The following KBTBD13 variants were observed in gnomAD, a reference collection of about 807,000 sequenced individuals.
The protein encoded by KBTBD13 is kelch repeat and BTB domain containing 13.
Under a neutral mutation model 25.4 loss-of-function variants are expected in KBTBD13, and 32 were observed. The ratio of observed to expected loss-of-function variants is 1.26; its 90% CI spans 0.95 to 1.69. The LOEUF (loss-of-function observed/expected upper bound fraction) is 1.69, where lower values mean the gene tolerates loss of function less well. KBTBD13 is among the 40% of genes most tolerant of loss of function. KBTBD13 has a pLI of 0.00. For synonymous variants in KBTBD13, 436 were observed against 329.8 expected, an observed-to-expected ratio of 1.32 and a Z score of -3.49; for missense variants, 898 against 679.5, an observed-to-expected ratio of 1.32 and a Z score of -3.57.
rs779342567 is a variant in KBTBD13 at position 65,077,923 on chromosome 15, G to A, written c.1108G>A (p.Asp370Asn). 6.2e-7 allele frequency: 1 copy of A among 1,611,810 alleles called. No individual in the cohort carries two copies. The highest frequency in any genetic ancestry group is 8.5e-7 in the Non-Finnish European group (1 of 1,179,790). Residue 370 changes from aspartate to asparagine, a missense_variant, in exon 1 of 1, where the codon GAC (aspartate) becomes AAC (asparagine). Physicochemically the swap from Asp to Asn is conservative, Grantham distance 23. Coordinates refer to ENST00000432196, the MANE Select transcript of KBTBD13 (RefSeq NM_001101362.3). ...CGACGACTTCCTGCACTGCGCCATCGACTGTCTCAACCTGGCCACGGGCCA... is the reference window on the plus strand; with the variant it reads ...CGACGACTTCCTGCACTGCGCCATCAACTGTCTCAACCTGGCCACGGGCCA... ...PSDDFLHCAI[D>N]CLNLATGQWT...
At position 65,076,973 on chromosome 15, in the gene KBTBD13, T is replaced by G; in HGVS notation, c.158T>G (p.Leu53Arg). ...TRAAEVRLGV[L>R]SAGGFRATLQ... is the part of the protein sequence containing the mutation. ...GCAGCAGAGGTGCGCCTGGGCGTTC[T>G]GAGCGCGGGAGGTTTCCGCGCCACG... Residue 53 changes from leucine (L) to arginine (R), a missense_variant, in exon 1 of 1, where the codon CTG becomes CGG. Physicochemically the swap from Leu to Arg is moderately radical, Grantham distance 102 (BLOSUM62 -2). Transcript: ENST00000432196. 1 of 1,543,754 alleles carries G rather than the reference T, an allele frequency of 6.5e-7. No individual in the cohort carries two copies.
In KBTBD13 at chr15:65,078,029, C is replaced by A. The variant is rs760429732; in HGVS notation, c.1214C>A (p.Thr405Lys). The A allele has an allele frequency of 1.2e-6, 2 of 1,603,910 alleles. No homozygotes were observed. Among genetic ancestry groups the A allele is most frequent in the Non-Finnish European group, 1.7e-6 (2 of 1,179,530 alleles). The change falls in exon 1 of 1, where the codon ACG becomes AAG. Residue 405 changes from threonine (T) to lysine (K), a missense_variant. Transcript: ENST00000432196. ...TAVVRGDTVYTVNRMFTLLYA... is the reference protein window; with the variant it reads ...TAVVRGDTVYKVNRMFTLLYA... ...GTGGTGCGCGGTGACACCGTCTATACGGTCAACCGCATGTTCACGCTGCTC... is the reference window on the plus strand; with the variant it reads ...GTGGTGCGCGGTGACACCGTCTATAAGGTCAACCGCATGTTCACGCTGCTC...
chr15:65,077,797 G>A lies in KBTBD13; in HGVS notation c.982G>A (p.Asp328Asn). Residue 328 changes from aspartate to asparagine, a missense_variant, in exon 1 of 1, where the codon GAC (aspartate) becomes AAC (asparagine). Physicochemically the swap from Asp to Asn is conservative, Grantham distance 23. Transcript: ENST00000432196. The part of the protein sequence containing the change: ...TAVVEYAVRT[D>N]AWLPVAELRR... ...CGTGGTGGAGTACGCAGTGCGGACC[G>A]ACGCGTGGCTGCCAGTGGCCGAGCT... The A allele has an allele frequency of 6.3e-7, 1 of 1,595,402 alleles. No homozygotes were observed.
At position 65,078,130 on chromosome 15, in the gene KBTBD13, T is replaced by C; in HGVS notation, c.1315T>C (p.Phe439Leu). Residue 439 changes from phenylalanine to leucine, a missense_variant, in exon 1 of 1, where the codon TTT becomes CTT. Transcript: ENST00000432196. ...GFPRPGSLQT[F>L]LLRLPPGAPG... ...CCCGCGGCCCGGCTCCTTGCAGACC[T>C]TTCTCCTAAGGCTGCCTCCTGGCGC... 6.4e-7 allele frequency: 1 copy of C among 1,559,022 alleles called. No homozygotes were observed. The highest frequency in any genetic ancestry group is 8.6e-7 in the Non-Finnish European group (1 of 1,157,930).
In KBTBD13 at chr15:65,077,142, G is replaced by A; in HGVS notation, c.327G>A (p.Leu109=). The change falls in exon 1 of 1, where the codon CTG becomes CTA. Residue 109 remains leucine (L), a synonymous_variant. Coordinates refer to ENST00000432196, the MANE Select transcript of KBTBD13 (RefSeq NM_001101362.3). ...HNLTSDNCAL[L]CDAAAAFGLR... Reference sequence around the variant, plus strand: ...TCACGTCGGACAACTGCGCATTGCTGTGCGACGCGGCCGCCGCCTTCGGCC... The same window carrying A: ...TCACGTCGGACAACTGCGCATTGCTATGCGACGCGGCCGCCGCCTTCGGCC... The A allele has an allele frequency of 6.6e-7, 1 of 1,515,642 alleles. No homozygotes were observed. The highest frequency in any genetic ancestry group is 1.2e-5 in the South Asian group (1 of 81,934). The allele number at this position is 1,515,642 out of a possible 1,614,324, so 93.9% of individuals were successfully genotyped here. A position where few individuals can be genotyped will look rare whatever the true frequency, so the allele number is the denominator to read the frequency against.
In KBTBD13 at chr15:65,078,826, A is replaced by G. The variant is rs945483891; in HGVS notation, c.*634A>G. On this transcript the variant is annotated 3_prime_UTR_variant, in exon 1 of 1. Transcript: ENST00000432196. ...GAAAAGAAGAGAGTGTGCAAACTCT[A>G]TGGAGGAGATGAGCAGGATACCATT... 2.0e-5 allele frequency among the ~76,000 whole-genome samples: 3 copies of G among 152,210 alleles called. No individual in the cohort carries two copies. Among genetic ancestry groups the G allele is most frequent in the Non-Finnish European group, 4.4e-5 (3 of 68,040 alleles).
In KBTBD13 at chr15:65,077,375, G is replaced by C. The variant is rs1344801899; in HGVS notation, c.560G>C (p.Trp187Ser). 1 of 1,512,072 alleles carries C rather than the reference G, an allele frequency of 6.6e-7. No individual in the cohort carries two copies. The highest frequency in any genetic ancestry group is 2.5e-5 in the East Asian group (1 of 39,680). 93.7% of individuals were successfully genotyped at this position (1,512,072 alleles called of 1,614,324 possible). The change falls in exon 1 of 1, where the codon TGG becomes TCG. Residue 187 changes from tryptophan (W) to serine (S), a missense_variant. Trp to Ser is a radical substitution (Grantham distance 177, BLOSUM62 -3). Coordinates refer to ENST00000432196, the MANE Select transcript of KBTBD13 (RefSeq NM_001101362.3). ...LCYLDEEEDA[W>S]RTLAALPLEA... ...TACCTGGACGAGGAAGAGGACGCGT[G>C]GCGCACGCTGGCTGCGCTGCCCCTG... is the stretch of plus-strand genomic sequence containing the variant.
chr15:65,077,499 C>T lies in KBTBD13; in HGVS notation c.684C>T (p.Gly228=), dbSNP rs775461314. 28 of 1,523,490 alleles carry T rather than the reference C, an allele frequency of 1.8e-5. No homozygotes were observed. Among genetic ancestry groups the T allele is most frequent in the Non-Finnish European group, 2.3e-5 (26 of 1,137,060 alleles). 94.4% of individuals were successfully genotyped at this position (1,523,490 alleles called of 1,614,324 possible). A position where few individuals can be genotyped will look rare whatever the true frequency, so the allele number is the denominator to read the frequency against. ...RGASKEVVEL[G]FCYDPDGGTW... is the part of the protein sequence containing the mutation. ...CCAGCAAGGAGGTGGTAGAGCTGGGCTTCTGCTACGACCCCGACGGCGGCA... is the reference window on the plus strand; with the variant it reads ...CCAGCAAGGAGGTGGTAGAGCTGGGTTTCTGCTACGACCCCGACGGCGGCA... The change falls in exon 1 of 1, where the codon GGC becomes GGT. Residue 228 remains glycine, a synonymous_variant. Transcript: ENST00000432196.
Position 65,077,909 on chromosome 15 carries a change from T to G in KBTBD13, c.1094T>G (p.Leu365Arg). 1 of 1,611,964 alleles carries G rather than the reference T, an allele frequency of 6.2e-7. No individual in the cohort carries two copies. The highest frequency in any genetic ancestry group is 2.2e-5 in the East Asian group (1 of 44,846). The change falls in exon 1 of 1, where the codon CTG becomes CGG. Residue 365 changes from leucine (L) to arginine (R), a missense_variant. Physicochemically the swap from Leu to Arg is moderately radical, Grantham distance 102 (BLOSUM62 -2). Coordinates refer to ENST00000432196, the MANE Select transcript of KBTBD13 (RefSeq NM_001101362.3). ...CGCAACGGACCTTCCGACGACTTCCTGCACTGCGCCATCGACTGTCTCAAC... is the reference window on the plus strand; with the variant it reads ...CGCAACGGACCTTCCGACGACTTCCGGCACTGCGCCATCGACTGTCTCAAC... ...VVRNGPSDDF[L>R]HCAIDCLNLA... is the part of the protein sequence containing the mutation.
rs2087015228 is a variant in KBTBD13 at position 65,078,938 on chromosome 15, G to GTCTC, written c.*748_*751dup. Among the ~76,000 whole-genome samples, 1 of 152,154 alleles carries GTCTC rather than the reference G, an allele frequency of 6.6e-6. No homozygotes were observed. Among genetic ancestry groups the GTCTC allele is most frequent in the Non-Finnish European group, 1.5e-5 (1 of 68,036 alleles). ...GGGAAGGCTGGAGCAGATGGGGAGG[G>GTCTC]TCTCTGCAAGTCCAGCCATACCAGC... On this transcript the variant is annotated 3_prime_UTR_variant, in exon 1 of 1. Transcript: ENST00000432196.
In KBTBD13 at chr15:65,078,091, G is replaced by T; in HGVS notation, c.1276G>T (p.Glu426Ter). ...IEGGTWRLLR[E>*]KAGFPRPGSL... Reference sequence around the variant, plus strand: ...GGGCGGCACCTGGCGGCTGCTCAGGGAGAAAGCCGGCTTCCCGCGGCCCGG... The same window carrying T: ...GGGCGGCACCTGGCGGCTGCTCAGGTAGAAAGCCGGCTTCCCGCGGCCCGG... The change falls in exon 1 of 1, where the codon GAG becomes TAG. Residue 426 changes from glutamate (E) to a stop codon, truncating the protein, a stop_gained. Coordinates refer to ENST00000432196, the MANE Select transcript of KBTBD13 (RefSeq NM_001101362.3). LOFTEE classifies it high-confidence loss of function. The T allele has an allele frequency of 6.3e-7, 1 of 1,592,272 alleles. No homozygotes were observed. Among genetic ancestry groups the T allele is most frequent in the Non-Finnish European group, 8.5e-7 (1 of 1,175,456 alleles).
Position 65,079,059 on chromosome 15 carries a change from G to A in KBTBD13, c.*867G>A, listed in dbSNP as rs928034774. On this transcript the variant is annotated 3_prime_UTR_variant, in exon 1 of 1. Transcript: ENST00000432196. ...CTGAGCCTGGAGTGAGACCTGTGGGGGCGAGAGGATTCTTCACGTTCCTTT... is the reference window on the plus strand; with the variant it reads ...CTGAGCCTGGAGTGAGACCTGTGGGAGCGAGAGGATTCTTCACGTTCCTTT... Among the ~76,000 whole-genome samples the A allele has an allele frequency of 1.3e-5, 2 of 152,170 alleles. No individual in the cohort carries two copies. Among genetic ancestry groups the A allele is most frequent in the Non-Finnish European group, 2.9e-5 (2 of 68,026 alleles).
rs781337338 is a variant in KBTBD13, at chr15:65,078,010, C to A, written c.1195C>A (p.Arg399Ser). ...SKGALFTAVVRGDTVYTVNRM... is the reference protein window; with the variant it reads ...SKGALFTAVVSGDTVYTVNRM... Reference sequence around the variant, plus strand: ...GGGAGCGCTCTTCACGGCCGTGGTGCGCGGTGACACCGTCTATACGGTCAA... The same window carrying A: ...GGGAGCGCTCTTCACGGCCGTGGTGAGCGGTGACACCGTCTATACGGTCAA... Residue 399 changes from arginine to serine, a missense_variant, in exon 1 of 1, where the codon CGC becomes AGC. By Grantham distance (110) the Arg-to-Ser change is moderately radical. Transcript: ENST00000432196. 2.5e-6 allele frequency: 4 copies of A among 1,607,372 alleles called. No homozygotes were observed. Among genetic ancestry groups the A allele is most frequent in the Admixed American group, 1.7e-5 (1 of 59,876 alleles).
Position 65,078,285 on chromosome 15 carries a change from C to G in KBTBD13, c.*93C>G. 1 of 1,460,276 alleles carries G rather than the reference C, an allele frequency of 6.8e-7. No homozygotes were observed. The highest frequency in any genetic ancestry group is 9.0e-7 in the Non-Finnish European group (1 of 1,106,078). 90.5% of individuals were successfully genotyped at this position (1,460,276 alleles called of 1,614,324 possible). A position where few individuals can be genotyped will look rare whatever the true frequency, so the allele number is the denominator to read the frequency against. Reference sequence around the variant, plus strand: ...GGCCGGCCTTAGAAGTAGCTGGCAACTTCCCTCTTTCTACTGAGACACCCA... The same window carrying G: ...GGCCGGCCTTAGAAGTAGCTGGCAAGTTCCCTCTTTCTACTGAGACACCCA... On this transcript the variant is annotated 3_prime_UTR_variant, in exon 1 of 1. Coordinates refer to ENST00000432196, the MANE Select transcript of KBTBD13 (RefSeq NM_001101362.3).
Position 65,077,176 on chromosome 15 carries a change from G to A in KBTBD13, c.361G>A (p.Val121Met), listed in dbSNP as rs201466173. 5,580 of 1,504,322 alleles carry A rather than the reference G, an allele frequency of 3.7e-3. 19 individuals are homozygous for A. Among genetic ancestry groups the A allele is most frequent in the Non-Finnish European group, 4.6e-3 (5,223 of 1,131,582 alleles). The allele number at this position is 1,504,322 out of a possible 1,614,324, so 93.2% of individuals were successfully genotyped here. The change falls in exon 1 of 1, where the codon GTG becomes ATG. Residue 121 changes from valine to methionine, a missense_variant. Val to Met is a conservative substitution (Grantham distance 21). Coordinates refer to ENST00000432196, the MANE Select transcript of KBTBD13 (RefSeq NM_001101362.3). ...GGCCGCCGCCTTCGGCCTGCGCGAC[G>A]TGTTCCACAGTGCCGCGCTCTTCAT... is the stretch of plus-strand genomic sequence containing the variant. ...DAAAAFGLRD[V>M]FHSAALFICD...
In KBTBD13 at chr15:65,077,398, CT is replaced by C. The variant is rs2086990967; in HGVS notation, c.584del (p.Leu195ArgfsTer31). ...GTGGCGCACGCTGGCTGCGCTGCCCCTGGAGGCCAGCACGTTGCTGGCCGGG... is the reference window on the plus strand; with the variant it reads ...GTGGCGCACGCTGGCTGCGCTGCCCCGGAGGCCAGCACGTTGCTGGCCGGG... ...DAWRTLAALPLEASTLLAGVA... is the reference protein window; with the variant it reads ...DAWRTLAALPXEASTLLAGVA... On this transcript the variant is annotated frameshift_variant, in exon 1 of 1. Transcript: ENST00000432196. LOFTEE classifies it high-confidence loss of function. 2.0e-6 allele frequency: 3 copies of C among 1,523,296 alleles called. No individual in the cohort carries two copies. Among genetic ancestry groups the C allele is most frequent in the Non-Finnish European group, 1.8e-6 (2 of 1,138,850 alleles). 94.4% of individuals were successfully genotyped at this position (1,523,296 alleles called of 1,614,324 possible). A position where few individuals can be genotyped will look rare whatever the true frequency, so the allele number is the denominator to read the frequency against.
Position 65,078,268 on chromosome 15 carries a change from T to A in KBTBD13, c.*76T>A. On this transcript the variant is annotated 3_prime_UTR_variant, in exon 1 of 1. Transcript: ENST00000432196. Reference sequence around the variant, plus strand: ...TATGGCTGAGTGTGTGAGGCCGGCCTTAGAAGTAGCTGGCAACTTCCCTCT... The same window carrying A: ...TATGGCTGAGTGTGTGAGGCCGGCCATAGAAGTAGCTGGCAACTTCCCTCT... The A allele has an allele frequency of 2.0e-6, 3 of 1,482,922 alleles. No homozygotes were observed. The highest frequency in any genetic ancestry group is 2.7e-5 in the South Asian group (2 of 75,260). 91.9% of individuals were successfully genotyped at this position (1,482,922 alleles called of 1,614,324 possible). A position where few individuals can be genotyped will look rare whatever the true frequency, so the allele number is the denominator to read the frequency against.
chr15:65,076,782 G>C lies in KBTBD13; in HGVS notation c.-34G>C. 2 of 1,487,266 alleles carry C rather than the reference G, an allele frequency of 1.3e-6. No homozygotes were observed. Among genetic ancestry groups the C allele is most frequent in the Non-Finnish European group, 1.8e-6 (2 of 1,119,272 alleles). 92.1% of individuals were successfully genotyped at this position (1,487,266 alleles called of 1,614,324 possible). On this transcript the variant is annotated 5_prime_UTR_variant, in exon 1 of 1. Coordinates refer to ENST00000432196, the MANE Select transcript of KBTBD13 (RefSeq NM_001101362.3). ...AGAGTTGGTGGCTGGCTAACCCAAG[G>C]CCCCAGCGGCAGCCTCCGCCCGGCC...
chr15:65,077,509 G>A lies in KBTBD13; in HGVS notation c.694G>A (p.Asp232Asn), dbSNP rs2086993063. Residue 232 changes from aspartate to asparagine, a missense_variant, in exon 1 of 1, where the codon GAC (aspartate) becomes AAC (asparagine). Physicochemically the swap from Asp to Asn is conservative, Grantham distance 23. Coordinates refer to ENST00000432196, the MANE Select transcript of KBTBD13 (RefSeq NM_001101362.3). ...GGTGGTAGAGCTGGGCTTCTGCTAC[G>A]ACCCCGACGGCGGCACGTGGCACGA... ...KEVVELGFCY[D>N]PDGGTWHEFP... 1 of 1,523,280 alleles carries A rather than the reference G, an allele frequency of 6.6e-7. No homozygotes were observed. The highest frequency in any genetic ancestry group is 8.8e-7 in the Non-Finnish European group (1 of 1,136,174). 94.4% of individuals were successfully genotyped at this position (1,523,280 alleles called of 1,614,324 possible). A position where few individuals can be genotyped will look rare whatever the true frequency, so the allele number is the denominator to read the frequency against.
Sources: allele counts gnomAD v4.1 joint callset (sites outside exome capture counted in the v4.1 genomes callset), GRCh38; gene constraint gnomAD v4.1.1; transcripts MANE v1.5; gene names NCBI Gene and HGNC (gene_info 2026-07-23, HGNC 2026-07-21).